IL1RAPL1: variants seen among roughly 807,000 people sequenced by gnomAD.
The protein encoded by IL1RAPL1 is interleukin-1 receptor accessory protein-like 1.
A neutral mutation model predicts 48.4 loss-of-function variants in IL1RAPL1; 3 were observed. The ratio of observed to expected loss-of-function variants is 0.06; its 90% CI spans 0.03 to 0.16. The LOEUF is 0.16. Ranked by LOEUF, IL1RAPL1 falls within the 10% of genes least tolerant of loss-of-function variation. The pLI is 1.00. For synonymous variants in IL1RAPL1, 185 were observed against 187.7 expected, an observed-to-expected ratio of 0.99 and a Z score of 0.12; for missense variants, 349 against 530.6, an observed-to-expected ratio of 0.66 and a Z score of 3.36.
intron 5 of IL1RAPL1, among the ~76,000 whole-genome samples, chrX:29,612,658 G>A (rs1924132371): frequency 9.0e-6 from 1 of 111,595 alleles, no homozygotes; most frequent in Non-Finnish European, 1.9e-5. Flanking sequence ...AAATAAGAAA[G>A]TTTTTAGTGT....
chrX:28,917,849 A>G (rs1259514525), intron 2 of IL1RAPL1, among the ~76,000 whole-genome samples: 1 of 112,459 alleles, frequency 8.9e-6, no homozygotes. Flanking sequence ...TGCAGCCATC[A>G]TCACCATCCA....
chrX:29,782,615 T>G (rs1929373386), intron 6 of IL1RAPL1, among the ~76,000 whole-genome samples: 1 of 111,292 alleles, frequency 9.0e-6, no homozygotes, highest in Admixed American at 9.6e-5. Flanking sequence ...ACATACTATA[T>G]GGAAAAACTG....
intron 6 of IL1RAPL1, among the ~76,000 whole-genome samples, chrX:29,910,462 T>C (rs1018061279): frequency 6.3e-5 from 7 of 111,988 alleles, no homozygotes; most frequent in Non-Finnish European, 1.3e-4. Context: ...TTGTATATTC[T>C]TGTTTAACAT....
At chrX:28,995,098 T>C (rs762562751) in intron 2 of IL1RAPL1, among the ~76,000 whole-genome samples, 1 of 111,450 alleles carries the variant, frequency 9.0e-6, no homozygotes, top group South Asian at 3.8e-4. Flanking sequence ...AATGTGATCT[T>C]ACATAGTCAT....
intron 2 of IL1RAPL1, among the ~76,000 whole-genome samples, chrX:28,832,640 G>C (rs1295823369): frequency 9.1e-6 from 1 of 109,800 alleles, no homozygotes; most frequent in African/African-American, 3.3e-5. Flanking sequence ...AGTAAACTTT[G>C]ACAAGTTGCC....
At chrX:28,644,860 T>C (rs753943510) in intron 1 of IL1RAPL1, among the ~76,000 whole-genome samples, 1 of 111,305 alleles carries the variant, frequency 9.0e-6, no homozygotes, top group South Asian at 3.8e-4. Context: ...GATACCAGTT[T>C]TGAGAGGACA....
intron 1 of IL1RAPL1, among the ~76,000 whole-genome samples, chrX:28,669,273 G>A (rs1330478958): frequency 9.0e-6 from 1 of 110,961 alleles, no homozygotes; most frequent in East Asian, 2.8e-4. Flanking sequence ...TTAGAGTTAA[G>A]GATGGCTAGA....
intron 1 of IL1RAPL1, among the ~76,000 whole-genome samples, chrX:28,632,439 C>A (rs1485225139): frequency 9.0e-6 from 1 of 111,448 alleles, no homozygotes; most frequent in Non-Finnish European, 1.9e-5. Flanking sequence ...TTATTATGGG[C>A]CCACAATTTA....
chrX:28,838,902 T>TA (rs1180091579), intron 2 of IL1RAPL1, among the ~76,000 whole-genome samples: 2 of 111,183 alleles, frequency 1.8e-5, no homozygotes, highest in Non-Finnish European at 3.8e-5. Context: ...CACACTGAAA[T>TA]ACGCACATTA....
intron 2 of IL1RAPL1, among the ~76,000 whole-genome samples, chrX:28,919,429 G>A (rs1923564712): frequency 8.9e-6 from 1 of 111,958 alleles, no homozygotes; most frequent in African/African-American, 3.2e-5. Flanking sequence ...AGATGCTTAC[G>A]ATATATGCTG....
intron 2 of IL1RAPL1, among the ~76,000 whole-genome samples, chrX:29,209,587 G>T (rs1205076970): frequency 1.8e-5 from 2 of 111,916 alleles, no homozygotes; most frequent in Non-Finnish European, 3.8e-5. Context: ...CTATGCATCT[G>T]TACATATCTG....
chrX:29,178,835 C>A (rs1930085295), intron 2 of IL1RAPL1, among the ~76,000 whole-genome samples: 1 of 111,875 alleles, frequency 8.9e-6, no homozygotes, highest in Admixed American at 9.5e-5. Flanking sequence ...TTTCCCAGCA[C>A]CATTTATTAA....
intron 3 of IL1RAPL1, among the ~76,000 whole-genome samples, chrX:29,337,823 C>T (rs1026321181): frequency 2.7e-5 from 3 of 109,887 alleles, no homozygotes; most frequent in Admixed American, 9.8e-5. Flanking sequence ...TACAGGTGCC[C>T]GTCACCACGC....
At chrX:29,570,774 A>G (rs1264099872) in intron 5 of IL1RAPL1, among the ~76,000 whole-genome samples, 3 of 112,341 alleles carry the variant, frequency 2.7e-5, no homozygotes, top group Non-Finnish European at 5.6e-5. Context: ...GCACTACGTT[A>G]CATTGATTCA....
At chrX:29,699,875 C>T (rs996687236) in intron 6 of IL1RAPL1, among the ~76,000 whole-genome samples, 1 of 112,124 alleles carries the variant, frequency 8.9e-6, no homozygotes, top group Non-Finnish European at 1.9e-5. Flanking sequence ...CCTTTTTGTT[C>T]ATAAGTTGAT....
At chrX:29,164,644 T>C (rs1409111946) in intron 2 of IL1RAPL1, among the ~76,000 whole-genome samples, 1 of 111,649 alleles carries the variant, frequency 9.0e-6, no homozygotes, top group Non-Finnish European at 1.9e-5. Context: ...AGGAGAAAAA[T>C]GTGTGTGTTG....
At chrX:28,792,656 C>T (rs1448942757) in intron 2 of IL1RAPL1, among the ~76,000 whole-genome samples, 10 of 101,023 alleles carry the variant, frequency 9.9e-5, no homozygotes, top group East Asian at 3.1e-4. Flanking sequence ...GGCGTGGTGG[C>T]GGGTGCTTGT....
chrX:28,831,022 C>CTGTGTG (rs1569182008), intron 2 of IL1RAPL1, among the ~76,000 whole-genome samples: 2 of 64,977 alleles, frequency 3.1e-5, no homozygotes, highest in African/African-American at 1.4e-4. Flanking sequence ...CTCTCTCTCT[C>CTGTGTG]TCTCTGTGTG....
At chrX:28,645,204 G>T (rs187713769) in intron 1 of IL1RAPL1, among the ~76,000 whole-genome samples, 3 of 107,626 alleles carry the variant, frequency 2.8e-5, no homozygotes, top group Non-Finnish European at 3.8e-5. Context: ...AAAATTAGTC[G>T]GGTATGGTGG....
Sources: gnomAD v4.1 joint callset for allele counts (sites outside exome capture counted in the v4.1 genomes callset) on GRCh38, gnomAD v4.1.1 for gene constraint, MANE v1.5 for transcripts, NCBI Gene and HGNC (gene_info 2026-07-23, HGNC 2026-07-21) for gene names.